BORA: variants seen among roughly 807,000 people sequenced by gnomAD.
BORA encodes the protein protein aurora borealis.
Under a neutral mutation model 55.8 loss-of-function variants are expected in BORA, and 26 were observed. That is an observed-to-expected ratio of 0.47 (90% CI 0.34 to 0.65). The LOEUF (loss-of-function observed/expected upper bound fraction) is 0.65, where lower values mean the gene tolerates loss of function less well. Ranked by LOEUF, BORA falls within the 30% of genes least tolerant of loss-of-function variation. BORA has a pLI of 0.01. For synonymous variants in BORA, 201 were observed against 216.9 expected (o/e 0.93, Z 0.64); for missense variants, 568 against 671.5 (o/e 0.85, Z 1.70).
chr13:72,728,778 A>G, intron 1 of BORA, 148 bp from the exon 2 acceptor site: 3 of 595,804 alleles, frequency 5.0e-6, no homozygotes, highest in South Asian at 3.1e-5. Flanking sequence ...TATATGTGAT[A>G]CTTTTTTTGT....
chr13:72,743,449 C>G, intron 5 of BORA, 88 bp from the exon 6 acceptor site: 4 of 880,346 alleles, frequency 4.5e-6, no homozygotes, highest in Non-Finnish European at 3.3e-6. Context: ...TAAGTTTCCA[C>G]TTTCTTAATT....
intron 7 of BORA, 134 bp downstream of exon 7, chr13:72,744,695 TTC>T: frequency 4.3e-6 from 3 of 703,206 alleles, no homozygotes; most frequent in South Asian, 1.9e-5. Context: ...GCCCTGAAAT[TTC>T]TCTTTTTCTT....
chr13:72,742,594 A>G (rs2033054308), intron 5 of BORA, among the ~76,000 whole-genome samples: 1 of 152,022 alleles, frequency 6.6e-6, no homozygotes, highest in Admixed American at 6.6e-5. Context: ...TTTGGGATTC[A>G]TCAGTCCTAC....
At position 72,729,107 on chromosome 13, in the gene BORA, G is replaced by T. The variant is rs1371261193; in HGVS notation, c.153+14G>T. On this transcript the variant is annotated intron_variant, in intron 2 of 11. Transcript: ENST00000390667. ...ACAAAATTACCAGTAAGTTATTCCTGACTAGTGTTTACAACTAATTTTAAA... is the reference window on the plus strand; with the variant it reads ...ACAAAATTACCAGTAAGTTATTCCTTACTAGTGTTTACAACTAATTTTAAA... 2 of 1,519,088 alleles carry T rather than the reference G, an allele frequency of 1.3e-6. No individual in the cohort carries two copies. Among genetic ancestry groups the T allele is most frequent in the Non-Finnish European group, 1.8e-6 (2 of 1,134,034 alleles). 94.1% of individuals were successfully genotyped at this position (1,519,088 alleles called of 1,614,324 possible).
intron 11 of BORA, chr13:72,754,870 C>A: frequency 3.2e-6 from 1 of 314,102 alleles, no homozygotes; most frequent in South Asian, 4.3e-5. Context: ...CATGTGCCAC[C>A]ACACCCAGCT....
chr13:72,730,908 A>C (rs1439380761), intron 2 of BORA, among the ~76,000 whole-genome samples: 1 of 131,706 alleles, frequency 7.6e-6, no homozygotes, highest in Non-Finnish European at 1.6e-5. Context: ...AAAAAAAAAA[A>C]AATACAAAAA....
chr13:72,751,914 G>C (rs983032189), intron 10 of BORA, among the ~76,000 whole-genome samples: 1 of 152,164 alleles, frequency 6.6e-6, no homozygotes, highest in South Asian at 2.1e-4. Flanking sequence ...TGGAAGGCAA[G>C]GTCCTTTGAA....
chr13:72,728,052 T>A (rs770863603), intron 1 of BORA, 45 bp downstream of exon 1: 1 of 1,549,988 alleles, frequency 6.5e-7, no homozygotes, highest in South Asian at 1.2e-5. Flanking sequence ...CCTGTCTGAA[T>A]GGAGAGGTTT....
Position 72,745,947 on chromosome 13 carries a change from C to A in BORA, c.742C>A (p.Gln248Lys). Reference protein sequence around the residue: ...RSPLQTPSSGQFSSSPIQASA... With the variant: ...RSPLQTPSSGKFSSSPIQASA... ...TTACTATTTAATTTTATTACAGGGGCAGTTTTCTTCTAGCCCTATTCAGGC... is the reference window on the plus strand; with the variant it reads ...TTACTATTTAATTTTATTACAGGGGAAGTTTTCTTCTAGCCCTATTCAGGC... Residue 248 changes from glutamine (Q) to lysine (K), a missense_variant, in exon 9 of 12, where the codon CAG (glutamine) becomes AAG (lysine). Coordinates refer to ENST00000390667, the MANE Select transcript of BORA (RefSeq NM_024808.5). 1.2e-6 allele frequency: 2 copies of A among 1,603,240 alleles called. No individual in the cohort carries two copies. The highest frequency in any genetic ancestry group is 2.3e-5 in the South Asian group (2 of 88,568).
At chr13:72,742,771 C>T (rs113172163) in intron 5 of BORA, among the ~76,000 whole-genome samples, 6 of 1,300 alleles carry the variant, frequency 4.6e-3, no homozygotes, top group Non-Finnish European at 0.01. Context: ...TATATATACA[C>T]ACACACACAC....
intron 5 of BORA, among the ~76,000 whole-genome samples, chr13:72,743,004 C>T (rs1048109662): frequency 5.9e-5 from 9 of 151,800 alleles, no homozygotes; most frequent in African/African-American, 1.5e-4. Context: ...GGTTACCAGA[C>T]GGTAGGGAGG....
In BORA at chr13:72,728,005, C is replaced by T. The variant is rs559295859; in HGVS notation, c.-18C>T. ...TACTGGGGGCTTCGTTTTGTACGCA[C>T]CGGTAGGTACGCTCTTTGTGGTCCC... On this transcript the variant is annotated splice_region_variant and 5_prime_UTR_variant, in exon 1 of 12. Coordinates refer to ENST00000390667, the MANE Select transcript of BORA (RefSeq NM_024808.5). The T allele has an allele frequency of 6.7e-7, 1 of 1,481,872 alleles. No individual in the cohort carries two copies. The highest frequency in any genetic ancestry group is 9.0e-7 in the Non-Finnish European group (1 of 1,114,114). 91.8% of individuals were successfully genotyped at this position (1,481,872 alleles called of 1,614,324 possible).
At chr13:72,728,372 C>G in intron 1 of BORA, 1 of 599,558 alleles carries the variant, frequency 1.7e-6, no homozygotes, top group African/African-American at 1.9e-5. Flanking sequence ...GAAAGGGGAC[C>G]CCAGGCAGTT....
intron 10 of BORA, among the ~76,000 whole-genome samples, chr13:72,751,936 A>C (rs759747429): frequency 1.3e-5 from 2 of 152,222 alleles, no homozygotes; most frequent in South Asian, 2.1e-4. Flanking sequence ...GGTAACAAAC[A>C]AGGGGGACTG....
chr13:72,739,318 A>G (rs1392732145), intron 5 of BORA, among the ~76,000 whole-genome samples: 1 of 152,192 alleles, frequency 6.6e-6, no homozygotes, highest in Non-Finnish European at 1.5e-5. Context: ...AGGATCAAGA[A>G]GATGCTTAAA....
intron 11 of BORA, chr13:72,754,678 A>G (rs2033395722): frequency 6.6e-6 from 1 of 152,434 alleles, no homozygotes; most frequent in South Asian, 2.1e-4. Context: ...TGTCTATCTA[A>G]ACATAAGTAG....
intron 5 of BORA, among the ~76,000 whole-genome samples, chr13:72,739,963 G>A (rs765853614): frequency 2.0e-5 from 3 of 152,072 alleles, no homozygotes; most frequent in Non-Finnish European, 2.9e-5. Flanking sequence ...GTCACACAGT[G>A]ACTGAGAGAT....
chr13:72,755,683 T>C lies in BORA; in HGVS notation c.*467T>C, dbSNP rs1456325394. 4 of 393,500 alleles carry C rather than the reference T, an allele frequency of 1.0e-5. No individual in the cohort carries two copies. The highest frequency in any genetic ancestry group is 4.1e-5 in the African/African-American group (2 of 48,512). The allele number at this position is 393,500 out of a possible 1,614,324, so 24.4% of individuals were successfully genotyped here. A position where few individuals can be genotyped will look rare whatever the true frequency, so the allele number is the denominator to read the frequency against. Reference sequence around the variant, plus strand: ...AGATATAAAACTAACTTTTCAAAGATACAAAAGAAATTAAACAGGTTTCCT... The same window carrying C: ...AGATATAAAACTAACTTTTCAAAGACACAAAAGAAATTAAACAGGTTTCCT... On this transcript the variant is annotated 3_prime_UTR_variant, in exon 12 of 12. Coordinates refer to ENST00000390667, the MANE Select transcript of BORA (RefSeq NM_024808.5).
At chr13:72,728,261 G>GTGTAGCCTC (rs1225423131) in intron 1 of BORA, 2 of 699,640 alleles carry the variant, frequency 2.9e-6, no homozygotes, top group African/African-American at 3.5e-5. Flanking sequence ...CCCCGCCAAG[G>GTGTAGCCTC]TGTAGCCTCT....
Sources: allele counts gnomAD v4.1 joint callset (sites outside exome capture counted in the v4.1 genomes callset), GRCh38; gene constraint gnomAD v4.1.1; transcripts MANE v1.5; gene names NCBI Gene and HGNC (gene_info 2026-07-23, HGNC 2026-07-21).